DOCK2: variants seen among roughly 807,000 people sequenced by gnomAD.
The protein encoded by DOCK2 is dedicator of cytokinesis protein 2.
A neutral mutation model predicts 248.9 loss-of-function variants in DOCK2; 87 were observed. The observed-to-expected ratio is 0.35, with a 90% CI of 0.29 to 0.42. DOCK2 has a LOEUF of 0.42. DOCK2 is among the 10% of genes least tolerant of loss of function. The pLI is 1.00. For missense variants in DOCK2, 1,747 were observed against 2,300.2 expected (o/e 0.76, Z 4.92); for synonymous variants, 805 against 821.6 (o/e 0.98, Z 0.35).
intron 22 of DOCK2, among the ~76,000 whole-genome samples, chr5:169,721,157 G>A (rs1039531480): frequency 1.3e-5 from 2 of 152,196 alleles, no homozygotes; most frequent in Admixed American, 6.5e-5. Flanking sequence ...CTCTTTAACT[G>A]GTGTAAATTC....
At chr5:169,874,587 G>A (rs114743373) in intron 27 of DOCK2, among the ~76,000 whole-genome samples, 4,274 of 152,212 alleles carry the variant, frequency 0.028, 72 homozygotes, top group Non-Finnish European at 0.039. Context: ...GTAATGGTCA[G>A]CATTTGGACA....
chr5:170,038,179 C>A (rs1016807537), intron 36 of DOCK2, among the ~76,000 whole-genome samples: 1 of 152,162 alleles, frequency 6.6e-6, no homozygotes, highest in African/African-American at 2.4e-5. Flanking sequence ...GTTTTCCTAC[C>A]TGTAGAATGT....
intron 27 of DOCK2, among the ~76,000 whole-genome samples, chr5:169,937,085 C>G (rs970206381): frequency 2.6e-5 from 4 of 152,160 alleles, no homozygotes; most frequent in Admixed American, 6.5e-5. Context: ...GTAGGTGACT[C>G]CTTCAACAAA....
intron 27 of DOCK2, among the ~76,000 whole-genome samples, chr5:169,947,652 C>A (rs1231009474): frequency 6.6e-6 from 1 of 152,150 alleles, no homozygotes; most frequent in African/African-American, 2.4e-5. Flanking sequence ...AAATGAATAT[C>A]CCCAAAAATG....
At chr5:169,667,248 T>G (rs1165558198) in intron 2 of DOCK2, among the ~76,000 whole-genome samples, 1 of 152,222 alleles carries the variant, frequency 6.6e-6, no homozygotes, top group African/African-American at 2.4e-5. Flanking sequence ...TATCTCTATT[T>G]GCACTCTAAC....
At chr5:169,801,372 C>T (rs1394481390) in intron 25 of DOCK2, among the ~76,000 whole-genome samples, 2 of 152,068 alleles carry the variant, frequency 1.3e-5, no homozygotes, top group African/African-American at 4.8e-5. Context: ...CACTTACTAG[C>T]TGTGTACACA....
chr5:169,860,061 G>A (rs1290603355), intron 27 of DOCK2, among the ~76,000 whole-genome samples: 2 of 149,602 alleles, frequency 1.3e-5, no homozygotes, highest in Non-Finnish European at 3.0e-5. Flanking sequence ...GCCCTCTTGG[G>A]TTTAAGCTAT....
chr5:169,663,390 C>T (rs572420919), intron 2 of DOCK2, among the ~76,000 whole-genome samples: 54 of 152,294 alleles, frequency 3.5e-4, no homozygotes, highest in African/African-American at 1.3e-3. Flanking sequence ...AGGATGGTGA[C>T]CCTCTTCTCA....
At chr5:170,042,329 C>G (rs1027019662) in intron 38 of DOCK2, among the ~76,000 whole-genome samples, 197 bp downstream of exon 38, 13 of 152,214 alleles carry the variant, frequency 8.5e-5, no homozygotes, top group African/African-American at 2.4e-4. Context: ...CACCTGGACA[C>G]TGCGATGGAT....
intron 32 of DOCK2, among the ~76,000 whole-genome samples, chr5:170,010,402 G>C (rs1199913521): frequency 6.6e-6 from 1 of 152,086 alleles, no homozygotes; most frequent in East Asian, 1.9e-4. Flanking sequence ...TAGGGGAATG[G>C]GGGAACATGG....
chr5:169,885,605 T>G (rs1772927604), intron 27 of DOCK2, among the ~76,000 whole-genome samples: 2 of 152,248 alleles, frequency 1.3e-5, no homozygotes, highest in Admixed American at 6.5e-5. Context: ...AGCCACCATT[T>G]ATTGAGCACA....
chr5:169,791,670 C>T (rs560191133), intron 25 of DOCK2, among the ~76,000 whole-genome samples: 7 of 152,308 alleles, frequency 4.6e-5, no homozygotes, highest in African/African-American at 1.7e-4. Flanking sequence ...GCGTTGGAGT[C>T]AGACAGGTCC....
At chr5:169,971,241 A>G (rs1265495793) in intron 27 of DOCK2, among the ~76,000 whole-genome samples, 3 of 152,086 alleles carry the variant, frequency 2.0e-5, no homozygotes, top group Non-Finnish European at 4.4e-5. Flanking sequence ...CAATGAATCA[A>G]TGAAGTATCA....
At chr5:169,878,058 G>A (rs944666365) in intron 27 of DOCK2, among the ~76,000 whole-genome samples, 8 of 152,198 alleles carry the variant, frequency 5.3e-5, no homozygotes, top group East Asian at 1.9e-4. Flanking sequence ...AAAGAAATGC[G>A]TGATCTCTGT....
rs1409549159 is a variant in DOCK2, at chr5:169,681,990, C to A, written c.606+111C>A. ...TGTGTATTATTCAAGGGGCATCTGTCTATGACCTGAGATGATCAGCAACCA... is the reference window on the plus strand; with the variant it reads ...TGTGTATTATTCAAGGGGCATCTGTATATGACCTGAGATGATCAGCAACCA... On this transcript the variant is annotated intron_variant, in intron 7 of 51. Transcript: ENST00000520908. 21 of 1,443,022 alleles carry A rather than the reference C, an allele frequency of 1.5e-5. No homozygotes were observed. In the Middle Eastern group the frequency reaches 7.4e-4, roughly 51 times the overall value. 89.4% of individuals were successfully genotyped at this position (1,443,022 alleles called of 1,614,324 possible). A position where few individuals can be genotyped will look rare whatever the true frequency, so the allele number is the denominator to read the frequency against.
intron 27 of DOCK2, among the ~76,000 whole-genome samples, chr5:169,953,347 AAGAG>A (rs1175831719): frequency 2.8e-3 from 418 of 151,076 alleles, no homozygotes; most frequent in African/African-American, 9.6e-3. Flanking sequence ...AAAAAAAAAA[AAGAG>A]AGAGAGAGAG....
At chr5:169,938,749 A>G (rs1034500100) in intron 27 of DOCK2, among the ~76,000 whole-genome samples, 3 of 152,204 alleles carry the variant, frequency 2.0e-5, no homozygotes, top group Non-Finnish European at 4.4e-5. Flanking sequence ...GTAGAAAATT[A>G]ACCATAGCAG....
intron 1 of DOCK2, among the ~76,000 whole-genome samples, chr5:169,644,623 T>A (rs1221986012): frequency 6.6e-6 from 1 of 152,014 alleles, no homozygotes; most frequent in African/African-American, 2.4e-5. Context: ...ACGGTACTTT[T>A]TTTTTTTTTT....
At chr5:169,711,161 G>A (rs894346721) in intron 15 of DOCK2, among the ~76,000 whole-genome samples, 4 of 152,154 alleles carry the variant, frequency 2.6e-5, no homozygotes, top group African/African-American at 9.7e-5. Flanking sequence ...ATTTGTTTTG[G>A]CGTTTAATAG....
Sources: gnomAD v4.1 joint callset for allele counts (sites outside exome capture counted in the v4.1 genomes callset) on GRCh38, gnomAD v4.1.1 for gene constraint, MANE v1.5 for transcripts, NCBI Gene and HGNC (gene_info 2026-07-23, HGNC 2026-07-21) for gene names.